The following ZBTB7C variants were observed in gnomAD, a reference collection of about 807,000 sequenced individuals.
ZBTB7C encodes zinc finger and BTB domain containing 7C, also known as zinc finger and BTB domain-containing protein 7C.
A neutral mutation model predicts 25.7 loss-of-function variants in ZBTB7C; 8 were observed. That is an observed-to-expected ratio of 0.31 (90% CI 0.18 to 0.56). The LOEUF (loss-of-function observed/expected upper bound fraction) is 0.56, where lower values mean the gene tolerates loss of function less well. ZBTB7C is among the 20% of genes least tolerant of loss of function. The pLI is 0.91. For missense variants in ZBTB7C, 824 were observed against 855.2 expected (o/e 0.96, Z 0.46); for synonymous variants, 394 against 369.0 (o/e 1.07, Z -0.78).
chr18:48,050,433 A>C (rs1244141463), intron 3 of ZBTB7C, among the ~76,000 whole-genome samples: 7 of 152,176 alleles, frequency 4.6e-5, no homozygotes, highest in Admixed American at 4.6e-4. Context: ...CACTGGGTAA[A>C]GCCGGCCCCA....
chr18:48,308,023 A>T (rs998294384), intron 2 of ZBTB7C, among the ~76,000 whole-genome samples: 4 of 152,340 alleles, frequency 2.6e-5, no homozygotes, highest in Non-Finnish European at 4.4e-5. Flanking sequence ...TAACCTCATA[A>T]GACCATGCCA....
intron 2 of ZBTB7C, among the ~76,000 whole-genome samples, chr18:48,221,638 C>G (rs982017101): frequency 4.0e-5 from 6 of 151,014 alleles, no homozygotes; most frequent in Non-Finnish European, 1.5e-5. Flanking sequence ...GTCCTAGTCT[C>G]CTCTATACTG....
intron 2 of ZBTB7C, among the ~76,000 whole-genome samples, chr18:48,266,537 T>C (rs2044320180): frequency 6.6e-6 from 1 of 152,202 alleles, no homozygotes; most frequent in Non-Finnish European, 1.5e-5. Context: ...AAACAGACTT[T>C]GTTTTGTTCA....
chr18:48,167,584 G>GTGTGTGTA (rs1555705428), intron 3 of ZBTB7C, among the ~76,000 whole-genome samples: 1 of 151,460 alleles, frequency 6.6e-6, no homozygotes, highest in African/African-American at 2.5e-5. Context: ...GTGTGTGTGT[G>GTGTGTGTA]TGTGTGTGTG....
At chr18:48,177,041 G>T (rs1472869695) in intron 3 of ZBTB7C, among the ~76,000 whole-genome samples, 4 of 152,214 alleles carry the variant, frequency 2.6e-5, no homozygotes, top group African/African-American at 7.2e-5. Context: ...CCCCCCATAG[G>T]GTGTGCTGGA....
chr18:48,316,110 T>G (rs548184120), intron 2 of ZBTB7C, among the ~76,000 whole-genome samples: 1 of 152,248 alleles, frequency 6.6e-6, no homozygotes, highest in East Asian at 1.9e-4. Context: ...ACCCGGCTCC[T>G]GCTGGGCTTA....
intron 3 of ZBTB7C, among the ~76,000 whole-genome samples, chr18:48,110,374 G>A (rs903133251): frequency 6.6e-5 from 10 of 152,052 alleles, no homozygotes; most frequent in African/African-American, 1.4e-4. Flanking sequence ...GCTTCTTCCT[G>A]GGCACCTCTT....
chr18:48,305,017 CATTG>C (rs1189103920), intron 2 of ZBTB7C, among the ~76,000 whole-genome samples: 1 of 152,088 alleles, frequency 6.6e-6, no homozygotes, highest in Non-Finnish European at 1.5e-5. Flanking sequence ...GCTGTGCTCT[CATTG>C]ATTGATTGAT....
At chr18:48,403,758 T>C (rs1020358480) in intron 1 of ZBTB7C, among the ~76,000 whole-genome samples, 1 of 151,992 alleles carries the variant, frequency 6.6e-6, no homozygotes, top group Non-Finnish European at 1.5e-5. Flanking sequence ...CACCAAAATC[T>C]CAGTAAGCAC....
intron 3 of ZBTB7C, among the ~76,000 whole-genome samples, chr18:48,103,319 C>T (rs532798086): frequency 3.3e-5 from 5 of 151,984 alleles, no homozygotes; most frequent in African/African-American, 1.2e-4. Context: ...CTGGCAAAGA[C>T]AAAAGTATCA....
In ZBTB7C at chr18:48,153,674, C is replaced by T. The variant is rs544373061; in HGVS notation, c.-17+32260G>A. 2.0e-5 allele frequency among the ~76,000 whole-genome samples: 3 copies of T among 152,348 alleles called. No homozygotes were observed. In the South Asian group the frequency reaches 6.2e-4, roughly 32 times the overall value. Reference sequence around the variant, plus strand: ...AAGTCTTACAAAAGAGGGGCACTGGCCACTGGCCATAGGACTGTGAATTGG... The same window carrying T: ...AAGTCTTACAAAAGAGGGGCACTGGTCACTGGCCATAGGACTGTGAATTGG... On this transcript the variant is annotated intron_variant, in intron 3 of 4. Coordinates refer to ENST00000590800, the MANE Select transcript of ZBTB7C (RefSeq NM_001318841.2).
chr18:48,256,639 A>G (rs2044030177), intron 2 of ZBTB7C, among the ~76,000 whole-genome samples: 1 of 151,942 alleles, frequency 6.6e-6, no homozygotes, highest in African/African-American at 2.4e-5. Flanking sequence ...AAAGATAATT[A>G]TACAAAAATA....
chr18:48,190,512 A>G (rs186920748), intron 2 of ZBTB7C, among the ~76,000 whole-genome samples: 1 of 152,310 alleles, frequency 6.6e-6, no homozygotes, highest in East Asian at 1.9e-4. Context: ...GCTAGCAGAC[A>G]CTGAAGCAGT....
chr18:48,205,449 A>G (rs1035813239), intron 2 of ZBTB7C, among the ~76,000 whole-genome samples: 7 of 152,042 alleles, frequency 4.6e-5, no homozygotes, highest in African/African-American at 1.7e-4. Flanking sequence ...TACTATGTTC[A>G]TGAGTTGAAA....
In ZBTB7C at chr18:48,254,115, T is replaced by C. The variant is rs555372743; in HGVS notation, c.-78-68120A>G. On this transcript the variant is annotated intron_variant, in intron 2 of 4. Coordinates refer to ENST00000590800, the MANE Select transcript of ZBTB7C (RefSeq NM_001318841.2). ...ATGCAGATAGTGAGGGTATGGGAGT[T>C]GTTGGTAAGGTTTTCCTTTTTAACG... Among the ~76,000 whole-genome samples the C allele has an allele frequency of 1.2e-4, 18 of 152,342 alleles. No individual in the cohort carries two copies. The South Asian group carries it at 3.5e-3, about 30-fold the overall frequency.
intron 3 of ZBTB7C, among the ~76,000 whole-genome samples, chr18:48,111,241 G>T (rs191569408): frequency 6.6e-6 from 1 of 152,158 alleles, no homozygotes; most frequent in Non-Finnish European, 1.5e-5. Flanking sequence ...TAGAATGGGG[G>T]CTCAAGCAAC....
chr18:48,267,144 A>G (rs1452248506), intron 2 of ZBTB7C, among the ~76,000 whole-genome samples: 1 of 152,188 alleles, frequency 6.6e-6, no homozygotes, highest in Non-Finnish European at 1.5e-5. Flanking sequence ...TCAAAGCACA[A>G]GGTCATCTTC....
At chr18:48,131,837 T>C (rs2039994290) in intron 3 of ZBTB7C, among the ~76,000 whole-genome samples, 1 of 152,146 alleles carries the variant, frequency 6.6e-6, no homozygotes, top group Admixed American at 6.5e-5. Context: ...CCCTTGAGCA[T>C]ATAAACCCTT....
chr18:48,034,654 G>A (rs1243912312), intron 4 of ZBTB7C, among the ~76,000 whole-genome samples: 5 of 152,158 alleles, frequency 3.3e-5, no homozygotes, highest in South Asian at 4.1e-4. Context: ...GGCTCACTGC[G>A]CGTTTGGTGA....
Sources: allele counts gnomAD v4.1 joint callset (sites outside exome capture counted in the v4.1 genomes callset), GRCh38; gene constraint gnomAD v4.1.1; transcripts MANE v1.5; gene names NCBI Gene and HGNC (gene_info 2026-07-23, HGNC 2026-07-21).